Variants in RPF2 observed in about 807,000 individuals in gnomAD.
The protein encoded by RPF2 is brix domain containing 1.
In RPF2, 21 loss-of-function variants were observed where a neutral mutation model predicts 38.9. That is an observed-to-expected ratio of 0.54 (90% CI 0.38 to 0.78). RPF2 has a LOEUF of 0.78. RPF2 is among the 30% of genes least tolerant of loss of function. RPF2 has a pLI of 0.00. For missense variants in RPF2, 314 were observed against 358.1 expected (o/e 0.88, Z 0.99); for synonymous variants, 121 against 126.2 (o/e 0.96, Z 0.28).
chr6:111,023,981 C>T (rs939254558), intron 8 of RPF2, among the ~76,000 whole-genome samples: 8 of 146,786 alleles, frequency 5.5e-5, no homozygotes, highest in East Asian at 2.5e-4. Context: ...AGCGAGACTC[C>T]GTCTCAAAAA....
At chr6:111,022,682 A>G (rs1367146294) in intron 8 of RPF2, among the ~76,000 whole-genome samples, 1 of 152,250 alleles carries the variant, frequency 6.6e-6, no homozygotes, top group East Asian at 1.9e-4. Context: ...TCTATTATGC[A>G]TCAATTTTAA....
At chr6:110,996,587 C>T (rs1382788787) in intron 4 of RPF2, among the ~76,000 whole-genome samples, 1 of 152,134 alleles carries the variant, frequency 6.6e-6, no homozygotes, top group Admixed American at 6.6e-5. Flanking sequence ...TCCAAAATGA[C>T]AGCATAACAA....
At chr6:110,996,491 G>A (rs969180224) in intron 4 of RPF2, among the ~76,000 whole-genome samples, 19 of 152,194 alleles carry the variant, frequency 1.2e-4, no homozygotes, top group Middle Eastern at 3.4e-3. Flanking sequence ...ACTGGGCCTC[G>A]TGTGTTTTGA....
chr6:111,004,532 A>G (rs1771875211), intron 6 of RPF2, among the ~76,000 whole-genome samples: 1 of 148,858 alleles, frequency 6.7e-6, no homozygotes, highest in African/African-American at 2.5e-5. Flanking sequence ...TCAGTGCTGT[A>G]TGTATTAAGT....
At chr6:111,012,579 A>G (rs1413829956) in intron 7 of RPF2, among the ~76,000 whole-genome samples, 1 of 152,182 alleles carries the variant, frequency 6.6e-6, no homozygotes, top group East Asian at 1.9e-4. Flanking sequence ...TGAGGCCTGG[A>G]CAGGTGAGTA....
intron 2 of RPF2, among the ~76,000 whole-genome samples, chr6:110,985,928 T>A (rs1583256821): frequency 8.5e-6 from 1 of 117,114 alleles, no homozygotes. Context: ...AGAGAGAGAC[T>A]CCATTTCAAA....
intron 8 of RPF2, among the ~76,000 whole-genome samples, chr6:111,019,302 C>T (rs1772186047): frequency 6.6e-6 from 1 of 152,170 alleles, no homozygotes; most frequent in Non-Finnish European, 1.5e-5. Context: ...TTGCTTGAGC[C>T]TGGGCCACAC....
At chr6:110,983,486 T>C (rs1771466730) in intron 1 of RPF2, among the ~76,000 whole-genome samples, 1 of 152,096 alleles carries the variant, frequency 6.6e-6, no homozygotes, top group African/African-American at 2.4e-5. Flanking sequence ...TAGCTGGGAC[T>C]ATAGGCGCAC....
Position 111,026,806 on chromosome 6 carries a change from T to C in RPF2, c.*1224T>C, listed in dbSNP as rs1772336543. The C allele has an allele frequency of 6.6e-6, 1 of 152,270 alleles. No homozygotes were observed. The highest frequency in any genetic ancestry group is 1.9e-4 in the East Asian group (1 of 5,206). The allele number at this position is 152,270 out of a possible 1,614,324, so 9.4% of individuals were successfully genotyped here. A position where few individuals can be genotyped will look rare whatever the true frequency, so the allele number is the denominator to read the frequency against. ...AGTCCTTGACAAGGAATCTCCTTTA[T>C]ACAAGTGCCAGTAATGTTGTAAAGG... is the stretch of plus-strand genomic sequence containing the variant. On this transcript the variant is annotated 3_prime_UTR_variant, in exon 10 of 10. Transcript: ENST00000441448.
rs749500746 is a variant in RPF2, at chr6:110,985,153, T to G, written c.156+15T>G. On this transcript the variant is annotated intron_variant, in intron 2 of 9. Transcript: ENST00000441448. Reference sequence around the variant, plus strand: ...TTAAAGATGTGGTAAGTATATATACTTAATCTTTAAAAGGTATTGAAGTCA... The same window carrying G: ...TTAAAGATGTGGTAAGTATATATACGTAATCTTTAAAAGGTATTGAAGTCA... The G allele has an allele frequency of 3.2e-6, 5 of 1,587,032 alleles. No individual in the cohort carries two copies. The South Asian group carries it at 5.8e-5, about 18-fold the overall frequency.
intron 3 of RPF2, among the ~76,000 whole-genome samples, chr6:110,991,200 A>G (rs764670055): frequency 6.6e-6 from 1 of 152,168 alleles, no homozygotes; most frequent in Non-Finnish European, 1.5e-5. Context: ...TCGATTACTT[A>G]TAATATCTAA....
rs760451522 is a variant in RPF2, at chr6:110,999,702, T to C, written c.317-9T>C. ...AAAATACATGCTTAAAAATACATTT[T>C]CCTTCCAGGTCGTATGTATGACTAC... On this transcript the variant is annotated splice_polypyrimidine_tract_variant and intron_variant, in intron 5 of 9. Transcript: ENST00000441448. The C allele has an allele frequency of 6.4e-7, 1 of 1,574,612 alleles. No individual in the cohort carries two copies. The highest frequency in any genetic ancestry group is 1.1e-5 in the South Asian group (1 of 90,206).
At chr6:111,024,023 A>G (rs1466189788) in intron 8 of RPF2, among the ~76,000 whole-genome samples, 160 bp from the exon 9 acceptor site, 1 of 152,176 alleles carries the variant, frequency 6.6e-6, no homozygotes, top group African/African-American at 2.4e-5. Context: ...ATGTGAACCA[A>G]AGGATATACT....
chr6:110,995,057 A>G (rs898281929), intron 4 of RPF2, among the ~76,000 whole-genome samples: 14 of 150,748 alleles, frequency 9.3e-5, no homozygotes, highest in African/African-American at 3.4e-4. Context: ...GGTGTATACC[A>G]CCATACCCGG....
At chr6:110,990,898 T>C (rs1771609329) in intron 3 of RPF2, among the ~76,000 whole-genome samples, 1 of 152,186 alleles carries the variant, frequency 6.6e-6, no homozygotes, top group Non-Finnish European at 1.5e-5. Flanking sequence ...TTGGTTCCTA[T>C]GACCTTTCAA....
intron 6 of RPF2, among the ~76,000 whole-genome samples, chr6:111,004,339 T>A (rs1443977697): frequency 6.7e-6 from 1 of 150,174 alleles, no homozygotes; most frequent in Non-Finnish European, 1.5e-5. Context: ...CACACCACCA[T>A]ATGCAGCTAA....
chr6:111,015,255 T>G (rs1013633287), intron 7 of RPF2, among the ~76,000 whole-genome samples: 1 of 152,244 alleles, frequency 6.6e-6, no homozygotes, highest in Middle Eastern at 3.2e-3. Flanking sequence ...TGCAAGGTTC[T>G]TTTCTGGCAT....
intron 7 of RPF2, among the ~76,000 whole-genome samples, chr6:111,011,931 G>C (rs942489572): frequency 6.6e-6 from 1 of 152,188 alleles, no homozygotes; most frequent in Non-Finnish European, 1.5e-5. Context: ...AACAGATTCA[G>C]ACTGTAGGGC....
chr6:111,024,660 C>T (rs560563696), intron 9 of RPF2, among the ~76,000 whole-genome samples: 184 of 141,940 alleles, frequency 1.3e-3, no homozygotes, highest in African/African-American at 4.7e-3. Flanking sequence ...TTGCAGTGAG[C>T]AGAGATCACG....
Sources: gnomAD v4.1 joint callset for allele counts (sites outside exome capture counted in the v4.1 genomes callset) on GRCh38, gnomAD v4.1.1 for gene constraint, MANE v1.5 for transcripts, NCBI Gene and HGNC (gene_info 2026-07-23, HGNC 2026-07-21) for gene names.